FLVCR2: variants seen among roughly 807,000 people sequenced by gnomAD.
FLVCR2 encodes the protein FLVCR choline and putative heme transporter 2, also known as choline/ethanolamine transporter FLVCR2.
In FLVCR2, 38 loss-of-function variants were observed where a neutral mutation model predicts 48.9. That is an observed-to-expected ratio of 0.78 (90% CI 0.60 to 1.02). The LOEUF (loss-of-function observed/expected upper bound fraction) is 1.02, where lower values mean the gene tolerates loss of function less well. Among genes scored for constraint, FLVCR2 ranks in the 50% least tolerant of loss-of-function variants. The probability of loss-of-function intolerance (pLI) is 0.00; values close to 1 mark genes in which losing one functional copy is unlikely to be tolerated. For missense variants in FLVCR2, 664 were observed against 663.3 expected, an observed-to-expected ratio of 1.00 and a Z score of -0.01; for synonymous variants, 255 against 257.0, an observed-to-expected ratio of 0.99 and a Z score of 0.07.
chr14:75,588,800 G>A (rs1337889534), intron 1 of FLVCR2, among the ~76,000 whole-genome samples: 1 of 152,078 alleles, frequency 6.6e-6, no homozygotes, highest in Non-Finnish European at 1.5e-5. Context: ...GAACTTTAAG[G>A]GACACATTCA....
At chr14:75,615,100 T>G (rs569353462) in intron 1 of FLVCR2, among the ~76,000 whole-genome samples, 2 of 152,204 alleles carry the variant, frequency 1.3e-5, no homozygotes, top group South Asian at 4.1e-4. Context: ...GCTGACACCT[T>G]GAAGTTCTTT....
intron 1 of FLVCR2, among the ~76,000 whole-genome samples, chr14:75,587,318 A>T (rs1013184098): frequency 1.1e-4 from 17 of 152,264 alleles, no homozygotes; most frequent in African/African-American, 4.1e-4. Flanking sequence ...CATCAAGCAT[A>T]CATGTAAAAA....
intron 1 of FLVCR2, among the ~76,000 whole-genome samples, chr14:75,609,019 G>A (rs1486390824): frequency 2.0e-5 from 3 of 151,682 alleles, no homozygotes; most frequent in Non-Finnish European, 4.4e-5. Context: ...AGCAGGCAAT[G>A]AGAGAAATGA....
intron 3 of FLVCR2, chr14:75,632,478 C>T (rs1477508979): frequency 2.7e-5 from 16 of 599,130 alleles, no homozygotes; most frequent in Admixed American, 5.7e-5. Flanking sequence ...GCTACCCCTA[C>T]GGAATTGTTA....
At chr14:75,626,262 GATTAC>G (rs2140041405) in intron 3 of FLVCR2, among the ~76,000 whole-genome samples, 1 of 152,136 alleles carries the variant, frequency 6.6e-6, no homozygotes, top group South Asian at 2.1e-4. Context: ...AAAGTGCTGG[GATTAC>G]AGGTGTGAGC....
At chr14:75,634,762 C>T in intron 4 of FLVCR2, 148 bp from the exon 5 acceptor site, 2 of 646,932 alleles carry the variant, frequency 3.1e-6, no homozygotes, top group East Asian at 2.7e-5. Context: ...AGAATTTTCT[C>T]CTAGGCCATC....
intron 9 of FLVCR2, among the ~76,000 whole-genome samples, chr14:75,644,452 G>C (rs1308182229): frequency 1.3e-5 from 2 of 152,144 alleles, no homozygotes; most frequent in Non-Finnish European, 2.9e-5. Flanking sequence ...TGTGTACATG[G>C]ACCAGGTTTG....
intron 1 of FLVCR2, among the ~76,000 whole-genome samples, chr14:75,589,130 C>T (rs1339935992): frequency 1.3e-5 from 2 of 152,046 alleles, no homozygotes; most frequent in South Asian, 4.1e-4. Context: ...GTACAAGGAT[C>T]GCTTGAGCCC....
chr14:75,610,848 C>T (rs1484296462), intron 1 of FLVCR2, among the ~76,000 whole-genome samples: 1 of 152,226 alleles, frequency 6.6e-6, no homozygotes, highest in Non-Finnish European at 1.5e-5. Context: ...TTTCATCTGG[C>T]ATCTACTCGC....
intron 1 of FLVCR2, among the ~76,000 whole-genome samples, chr14:75,595,110 G>A (rs1888986066): frequency 6.6e-6 from 1 of 152,112 alleles, no homozygotes; most frequent in South Asian, 2.1e-4. Flanking sequence ...CATTCAAACT[G>A]TAGTTATATG....
intron 1 of FLVCR2, among the ~76,000 whole-genome samples, chr14:75,585,250 A>G (rs1286702271): frequency 2.0e-5 from 3 of 152,192 alleles, no homozygotes; most frequent in Non-Finnish European, 2.9e-5. Context: ...ACTAATGTGT[A>G]AAAGAATGCC....
intron 1 of FLVCR2, among the ~76,000 whole-genome samples, chr14:75,603,729 C>G (rs1331531478): frequency 6.6e-6 from 1 of 152,186 alleles, no homozygotes; most frequent in Non-Finnish European, 1.5e-5. Context: ...CCCTTAGATG[C>G]TGCCGCAGTA....
At chr14:75,640,349 G>A (rs1477655779) in intron 6 of FLVCR2, among the ~76,000 whole-genome samples, 1 of 151,952 alleles carries the variant, frequency 6.6e-6, no homozygotes, top group Non-Finnish European at 1.5e-5. Flanking sequence ...TCTTTCACAG[G>A]AGTCTTTGTT....
chr14:75,623,496 A>G (rs1418773080), intron 2 of FLVCR2, among the ~76,000 whole-genome samples: 6 of 152,050 alleles, frequency 3.9e-5, no homozygotes, highest in African/African-American at 1.4e-4. Flanking sequence ...TCACATGTTA[A>G]AGGTTTCATT....
Position 75,579,075 on chromosome 14 carries a change from G to T in FLVCR2, c.103G>T (p.Val35Phe), listed in dbSNP as rs143304751. 5.6e-6 allele frequency: 9 copies of T among 1,610,558 alleles called. No homozygotes were observed. The South Asian group carries it at 9.9e-5, about 18-fold the overall frequency. Reference sequence around the variant, plus strand: ...CGTCTCGGTCCATCCCAGCGTCTCGGTCCATCCCAGCGTCTCCATCAACCC... The same window carrying T: ...CGTCTCGGTCCATCCCAGCGTCTCGTTCCATCCCAGCGTCTCCATCAACCC... ...PSVSVHPSVS[V>F]HPSVSINPSV... The change falls in exon 1 of 10, where the codon GTC becomes TTC. Residue 35 changes from valine (V) to phenylalanine (F), a missense_variant. Transcript: ENST00000238667.
chr14:75,616,046 A>AAAAAAAAAAAAAAAAAC (rs1889607369), intron 1 of FLVCR2, among the ~76,000 whole-genome samples: 1 of 148,002 alleles, frequency 6.8e-6, no homozygotes, highest in Non-Finnish European at 1.5e-5. Context: ...AAAAAAAAAA[A>AAAAAAAAAAAAAAAAAC]AATAGCGTAA....
rs1889781815 is a variant in FLVCR2, at chr14:75,622,104, T to C, written c.695T>C (p.Val232Ala). The change falls in exon 2 of 10, where the codon GTC becomes GCC. Residue 232 changes from valine to alanine, a missense_variant. Val to Ala is a moderately conservative substitution (Grantham distance 64). Coordinates refer to ENST00000238667, the MANE Select transcript of FLVCR2 (RefSeq NM_017791.3). ...CTTGGAATTGCGATTGGGTTCTTGG[T>C]CCCTCCTGTTTTGGTACCCAACATT... The part of the protein sequence containing the change: ...NQLGIAIGFL[V>A]PPVLVPNIED... 1 of 1,614,126 alleles carries C rather than the reference T, an allele frequency of 6.2e-7. No homozygotes were observed. Among genetic ancestry groups the C allele is most frequent in the Non-Finnish European group, 8.5e-7 (1 of 1,180,016 alleles).
intron 9 of FLVCR2, among the ~76,000 whole-genome samples, chr14:75,643,015 C>T (rs1890337572): frequency 6.6e-6 from 1 of 152,200 alleles, no homozygotes; most frequent in African/African-American, 2.4e-5. Flanking sequence ...GTGCACGCCA[C>T]TATGCCTAGC....
At chr14:75,585,511 T>C (rs961055049) in intron 1 of FLVCR2, among the ~76,000 whole-genome samples, 2 of 151,866 alleles carry the variant, frequency 1.3e-5, no homozygotes, top group Non-Finnish European at 2.9e-5. Context: ...AGGTTGCCCA[T>C]AGTGAAGGAG....
Sources: allele counts gnomAD v4.1 joint callset (sites outside exome capture counted in the v4.1 genomes callset), GRCh38; gene constraint gnomAD v4.1.1; transcripts MANE v1.5; gene names NCBI Gene and HGNC (gene_info 2026-07-23, HGNC 2026-07-21).